The following KCNQ4 variants were observed in gnomAD, a reference collection of about 807,000 sequenced individuals.
The protein encoded by KCNQ4 is potassium voltage-gated channel subfamily Q member 4, also known as potassium voltage-gated channel subfamily KQT member 4.
A neutral mutation model predicts 72.6 loss-of-function variants in KCNQ4; 31 were observed. That is an observed-to-expected ratio of 0.43 (90% CI 0.32 to 0.58). The LOEUF (loss-of-function observed/expected upper bound fraction) is 0.58, where lower values mean the gene tolerates loss of function less well. Among genes scored for constraint, KCNQ4 ranks in the 20% least tolerant of loss-of-function variants. The pLI, the probability that KCNQ4 is intolerant of heterozygous loss-of-function variation, is 0.08. For synonymous variants in KCNQ4, 405 were observed against 403.7 expected, an observed-to-expected ratio of 1.00 and a Z score of -0.04; for missense variants, 869 against 962.6, an observed-to-expected ratio of 0.90 and a Z score of 1.29.
Position 40,838,338 on chromosome 1 carries a change from C to T in KCNQ4, c.1903C>T (p.Leu635=). The change falls in exon 14 of 14, where the codon CTG becomes TTG. Residue 635 remains leucine, a synonymous_variant. Transcript: ENST00000347132. ...GCAGTCCATCGAGCACAAGCTGGAC[C>T]TGCTGTTGGGCTTCTATTCGCGCTG... ...QVQSIEHKLD[L]LLGFYSRCLR... is the part of the protein sequence containing the mutation. 2 of 1,613,862 alleles carry T rather than the reference C, an allele frequency of 1.2e-6. No individual in the cohort carries two copies. The highest frequency in any genetic ancestry group is 1.7e-6 in the Non-Finnish European group (2 of 1,179,928).
intron 1 of KCNQ4, among the ~76,000 whole-genome samples, chr1:40,802,820 C>T (rs2148304804): frequency 6.6e-6 from 1 of 152,322 alleles, no homozygotes; most frequent in African/African-American, 2.4e-5. Context: ...CTCCAGACTG[C>T]CGGACCAGGG....
chr1:40,832,904 C>A (rs1316406920), intron 10 of KCNQ4, 110 bp from the exon 11 acceptor site: 3 of 806,524 alleles, frequency 3.7e-6, no homozygotes, highest in Non-Finnish European at 6.5e-6. Context: ...CCTTTCTGGG[C>A]CTCTGTCTTC....
chr1:40,796,633 T>C (rs1647418442), intron 1 of KCNQ4, among the ~76,000 whole-genome samples: 1 of 152,096 alleles, frequency 6.6e-6, no homozygotes, highest in Non-Finnish European at 1.5e-5. Flanking sequence ...TTCAAGGTCC[T>C]GGGCCGGGCG....
intron 1 of KCNQ4, among the ~76,000 whole-genome samples, chr1:40,811,780 A>G (rs935488169): frequency 1.3e-5 from 2 of 152,196 alleles, no homozygotes; most frequent in Non-Finnish European, 2.9e-5. Context: ...CATGGGCCAC[A>G]ACTTGCAGGC....
chr1:40,789,210 CG>C (rs1019278625), intron 1 of KCNQ4, among the ~76,000 whole-genome samples: 42 of 152,204 alleles, frequency 2.8e-4, no homozygotes, highest in Admixed American at 2.6e-3. Flanking sequence ...GGGGGGTCCT[CG>C]GGGGTCCTTT....
chr1:40,819,445 C>T lies in KCNQ4; in HGVS notation c.807C>T (p.Ser269=), dbSNP rs2148319422. Residue 269 remains serine, a synonymous_variant, in exon 5 of 14, where the codon TCC becomes TCT. Coordinates refer to ENST00000347132, the MANE Select transcript of KCNQ4 (RefSeq NM_004700.4). Reference sequence around the variant, plus strand: ...AGGACGCCAACTCCGACTTCTCCTCCTACGCCGACTCGCTCTGGTGGGGGA... The same window carrying T: ...AGGACGCCAACTCCGACTTCTCCTCTTACGCCGACTCGCTCTGGTGGGGGA... The part of the protein sequence containing the change: ...AEKDANSDFS[S]YADSLWWGTI... The T allele has an allele frequency of 6.2e-7, 1 of 1,613,862 alleles. No individual in the cohort carries two copies. The highest frequency in any genetic ancestry group is 8.5e-7 in the Non-Finnish European group (1 of 1,179,926).
chr1:40,835,117 T>C lies in KCNQ4; in HGVS notation c.1745+19T>C. 1 of 1,609,858 alleles carries C rather than the reference T, an allele frequency of 6.2e-7. No individual in the cohort carries two copies. Among genetic ancestry groups the C allele is most frequent in the Non-Finnish European group, 8.5e-7 (1 of 1,177,028 alleles). On this transcript the variant is annotated intron_variant, in intron 12 of 13. Transcript: ENST00000347132. The stretch of plus-strand genomic sequence containing the variant: ...AAACTCGGTGGGTGCACCGGGCCTG[T>C]TGGGAGGCAGGGGCAGGGAGGCAGC...
intron 1 of KCNQ4, among the ~76,000 whole-genome samples, chr1:40,811,944 C>T (rs552569537): frequency 3.0e-4 from 46 of 152,338 alleles, no homozygotes; most frequent in Middle Eastern, 3.4e-3. Flanking sequence ...AGAGAGAATC[C>T]TTAGAAAGTC....
At chr1:40,805,277 C>G (rs1435659909) in intron 1 of KCNQ4, 1 of 152,238 alleles carries the variant, frequency 6.6e-6, no homozygotes, top group African/African-American at 2.4e-5. Context: ...AGTCCGTTCA[C>G]TCAGCAGCCT....
intron 12 of KCNQ4, among the ~76,000 whole-genome samples, chr1:40,836,511 G>A (rs527736254): frequency 1.1e-4 from 16 of 152,310 alleles, no homozygotes; most frequent in Non-Finnish European, 1.9e-4. Context: ...ATTTGGTGTC[G>A]AAAGTGTAGA....
intron 9 of KCNQ4, among the ~76,000 whole-genome samples, chr1:40,828,246 C>G (rs1454313843): frequency 6.6e-6 from 1 of 152,180 alleles, no homozygotes; most frequent in South Asian, 2.1e-4. Flanking sequence ...GCTCGGCCTC[C>G]CCAGCAGGGC....
intron 1 of KCNQ4, among the ~76,000 whole-genome samples, chr1:40,789,156 G>A (rs969965098): frequency 1.3e-5 from 2 of 152,148 alleles, no homozygotes; most frequent in Admixed American, 6.5e-5. Flanking sequence ...GTGGAGGAGC[G>A]GGGTGGCTGG....
chr1:40,835,739 TG>T (rs1286207924), intron 12 of KCNQ4, among the ~76,000 whole-genome samples: 3 of 152,238 alleles, frequency 2.0e-5, no homozygotes, highest in Non-Finnish European at 2.9e-5. Flanking sequence ...AACTGGAATA[TG>T]TCAGACAACG....
At chr1:40,811,237 C>A (rs975974934) in intron 1 of KCNQ4, among the ~76,000 whole-genome samples, 1 of 152,194 alleles carries the variant, frequency 6.6e-6, no homozygotes, top group Admixed American at 6.5e-5. Flanking sequence ...AGAGCCACCT[C>A]CCCAGCAGAG....
Position 40,783,854 on chromosome 1 carries a change from T to C in KCNQ4, c.-240T>C, listed in dbSNP as rs1283241903. ...CGGCATGGAGCGCGTAATAAGAGAG[T>C]TGGAGTCGGAAAGAGCAGCCCCAGT... On this transcript the variant is annotated 5_prime_UTR_variant, in exon 1 of 14. Coordinates refer to ENST00000347132, the MANE Select transcript of KCNQ4 (RefSeq NM_004700.4). This position sits in a 1 kb window ranked among gnomAD's most constrained non-coding sequence, Gnocchi z 4.4. The C allele has an allele frequency of 1.3e-5, 2 of 150,840 alleles. No individual in the cohort carries two copies. The highest frequency in any genetic ancestry group is 1.3e-4 in the Admixed American group (2 of 15,162). The allele number at this position is 150,840 out of a possible 1,614,324, so 9.3% of individuals were successfully genotyped here.
In KCNQ4 at chr1:40,838,580, T is replaced by C; in HGVS notation, c.*57T>C. On this transcript the variant is annotated 3_prime_UTR_variant, in exon 14 of 14. Transcript: ENST00000347132. ...CAGCCCCGCGGCCTGGCGCTCCGAC[T>C]GCCCTCTGAGGCCTCCGGACTCCTC... 1 of 1,528,156 alleles carries C rather than the reference T, an allele frequency of 6.5e-7. No homozygotes were observed. Among genetic ancestry groups the C allele is most frequent in the Non-Finnish European group, 9.1e-7 (1 of 1,102,440 alleles). 94.7% of individuals were successfully genotyped at this position (1,528,156 alleles called of 1,614,324 possible).
In KCNQ4 at chr1:40,818,492, C is replaced by G. The variant is rs757927019; in HGVS notation, c.533-13C>G. 3.1e-5 allele frequency: 49 copies of G among 1,600,158 alleles called. No homozygotes were observed. The East Asian group carries it at 1.0e-3, about 33-fold the overall frequency. On this transcript the variant is annotated splice_polypyrimidine_tract_variant and intron_variant, in intron 3 of 13. Coordinates refer to ENST00000347132, the MANE Select transcript of KCNQ4 (RefSeq NM_004700.4). ...GTAGGCTGGCTGTGATCTCGCCGCC[C>G]CCGCCCCTGCAGACTTCATCGTGTT... is the stretch of plus-strand genomic sequence containing the variant.
Position 40,822,338 on chromosome 1 carries a change from G to T in KCNQ4, c.1066G>T (p.Asp356Tyr). ...IQAAWRLYST[D>Y]MSRAYLTATW... is the part of the protein sequence containing the mutation. ...GGCTGCCTGGCGCCTGTACTCCACC[G>T]ATATGAGCCGGGCCTACCTGACAGC... The change falls in exon 8 of 14, where the codon GAT becomes TAT. Residue 356 changes from aspartate to tyrosine, a missense_variant. Transcript: ENST00000347132. 1 of 1,537,210 alleles carries T rather than the reference G, an allele frequency of 6.5e-7. No homozygotes were observed. The highest frequency in any genetic ancestry group is 8.8e-7 in the Non-Finnish European group (1 of 1,131,584).
intron 1 of KCNQ4, among the ~76,000 whole-genome samples, chr1:40,810,774 T>TTACCAAGC (rs1018802020): frequency 6.6e-5 from 10 of 152,066 alleles, no homozygotes; most frequent in African/African-American, 2.4e-4. Context: ...TGCTGGAGAG[T>TTACCAAGC]TACCAAGCTA....
Sources: gnomAD v4.1 joint callset for allele counts (sites outside exome capture counted in the v4.1 genomes callset) on GRCh38, gnomAD v4.1.1 for gene constraint, Gnocchi (gnomAD v3.1) non-coding constraint, MANE v1.5 for transcripts, NCBI Gene and HGNC (gene_info 2026-07-23, HGNC 2026-07-21) for gene names.